Variants in TMEM164 observed in about 807,000 individuals in gnomAD.
TMEM164 encodes RP13-360B22.2.
In TMEM164, 4 loss-of-function variants were observed where a neutral mutation model predicts 18.8. That is an observed-to-expected ratio of 0.21 (90% CI 0.10 to 0.49). The LOEUF is 0.49. Among genes scored for constraint, TMEM164 ranks in the 20% least tolerant of loss-of-function variants. The pLI is 0.98. For missense variants in TMEM164, 108 were observed against 239.9 expected (o/e 0.45, Z 3.63); for synonymous variants, 86 against 101.7 (o/e 0.85, Z 0.93).
chrX:110,143,700 C>T (rs974968094), intron 4 of TMEM164, among the ~76,000 whole-genome samples: 1 of 110,577 alleles, frequency 9.0e-6, no homozygotes, highest in Non-Finnish European at 1.9e-5. Context: ...GTAACTGCCT[C>T]CTCTCATTAG....
In TMEM164 at chrX:110,071,894, C is replaced by T. The variant is rs755372062; in HGVS notation, c.440+4498C>T. Among the ~76,000 whole-genome samples the T allele has an allele frequency of 5.5e-5, 6 of 109,678 alleles. No individual in the cohort carries two copies. In the Admixed American group the frequency reaches 5.9e-4, roughly 11 times the overall value. On this transcript the variant is annotated intron_variant, in intron 3 of 6. Transcript: ENST00000372068. ...CCAGCTTGGGCTACAGAGCAAGACT[C>T]CATCTTTTAAAAAAAACAAGTTTAA...
At chrX:110,115,579 G>T (rs5942626) in intron 4 of TMEM164, among the ~76,000 whole-genome samples, 61,914 of 109,633 alleles carry the variant, frequency 0.56, 14,456 homozygotes, top group Non-Finnish European at 0.74. Flanking sequence ...AGCTTTGAGG[G>T]TCTTAAATCC....
At chrX:110,142,351 C>T (rs192282221) in intron 4 of TMEM164, among the ~76,000 whole-genome samples, 11 of 112,196 alleles carry the variant, frequency 9.8e-5, no homozygotes, top group East Asian at 5.6e-4. Context: ...CTCCTCCCCA[C>T]GGGGCATCTC....
At chrX:110,037,228 A>C (rs767336956) in intron 2 of TMEM164, among the ~76,000 whole-genome samples, 1 of 111,559 alleles carries the variant, frequency 9.0e-6, no homozygotes, top group African/African-American at 3.3e-5. Context: ...GGATAAAGGC[A>C]GAGTACAATA....
intron 4 of TMEM164, among the ~76,000 whole-genome samples, chrX:110,125,375 G>A (rs2066514583): frequency 8.9e-6 from 1 of 112,142 alleles, no homozygotes; most frequent in African/African-American, 3.2e-5. Flanking sequence ...CAAAGTGGCT[G>A]AAAAGAGAGC....
At chrX:110,050,764 G>A (rs958415704) in intron 2 of TMEM164, among the ~76,000 whole-genome samples, 14 of 111,946 alleles carry the variant, frequency 1.3e-4, no homozygotes, top group African/African-American at 4.6e-4. Context: ...AAAAAAAATT[G>A]GTTTGTTACC....
intron 5 of TMEM164, 107 bp downstream of exon 5, chrX:110,144,983 C>T (rs2066831920): frequency 1.8e-6 from 1 of 554,401 alleles, no homozygotes; most frequent in Admixed American, 3.1e-5. Context: ...TCAGCTGCCG[C>T]TTGACTGAGT....
At chrX:110,160,927 G>T (rs983691948) in intron 5 of TMEM164, among the ~76,000 whole-genome samples, 1 of 111,927 alleles carries the variant, frequency 8.9e-6, no homozygotes, top group African/African-American at 3.3e-5. Flanking sequence ...TTTTAGGAGA[G>T]GTGGGGTTTC....
chrX:110,014,812 C>G (rs1933244365), intron 2 of TMEM164, among the ~76,000 whole-genome samples: 1 of 95,753 alleles, frequency 1.0e-5, no homozygotes, highest in South Asian at 5.2e-4. Context: ...GCAACTTTCT[C>G]CAGTGCCAAC....
At chrX:110,062,947 T>C (rs1380545305) in intron 2 of TMEM164, among the ~76,000 whole-genome samples, 2 of 111,606 alleles carry the variant, frequency 1.8e-5, no homozygotes, top group African/African-American at 3.3e-5. Flanking sequence ...AAGGAAATTA[T>C]TGCAGTGGTC....
rs184844395 is a variant in TMEM164 at position 110,135,992 on chromosome X, G to A, written c.508-8806G>A. 7.1e-3 allele frequency among the ~76,000 whole-genome samples: 791 copies of A among 111,024 alleles called. 7 individuals are homozygous for A. The highest frequency in any genetic ancestry group is 0.023 in the African/African-American group (694 of 30,538). On this transcript the variant is annotated intron_variant, in intron 4 of 6. Coordinates refer to ENST00000372068, the MANE Select transcript of TMEM164 (RefSeq NM_032227.4). ...AATCAGCTTACATTTAAATTTCCTT[G>A]ATTGTCCCAAGAATGTCTTTTAAAA...
intron 2 of TMEM164, among the ~76,000 whole-genome samples, chrX:110,033,758 C>G (rs1212755731): frequency 2.7e-5 from 3 of 111,497 alleles, no homozygotes; most frequent in Non-Finnish European, 5.7e-5. Flanking sequence ...ACTTTCTAAT[C>G]TCTCCTTTTT....
intron 3 of TMEM164, among the ~76,000 whole-genome samples, chrX:110,072,529 A>G (rs1230750563): frequency 1.8e-5 from 2 of 110,665 alleles, no homozygotes; most frequent in Non-Finnish European, 3.8e-5. Flanking sequence ...TTAGTTGAGC[A>G]TGTAGTATCC....
intron 5 of TMEM164, among the ~76,000 whole-genome samples, chrX:110,166,226 C>T (rs995162764): frequency 1.8e-5 from 2 of 112,360 alleles, no homozygotes; most frequent in African/African-American, 6.5e-5. Context: ...ACCCTAACCC[C>T]TTCTGGTTCT....
At chrX:110,132,394 C>T (rs1452740330) in intron 4 of TMEM164, among the ~76,000 whole-genome samples, 6 of 111,618 alleles carry the variant, frequency 5.4e-5, no homozygotes, top group African/African-American at 2.0e-4. Flanking sequence ...CTCTACCTCC[C>T]TCTCCACCCT....
At chrX:110,053,088 C>T (rs2147812366) in intron 2 of TMEM164, among the ~76,000 whole-genome samples, 1 of 111,439 alleles carries the variant, frequency 9.0e-6, no homozygotes, top group African/African-American at 3.3e-5. Context: ...TTAATGGAGT[C>T]CCCTTTCCCA....
intron 3 of TMEM164, among the ~76,000 whole-genome samples, chrX:110,072,808 T>C (rs1475372224): frequency 9.0e-6 from 1 of 110,726 alleles, no homozygotes; most frequent in East Asian, 2.8e-4. Flanking sequence ...CAAGTATTTA[T>C]TCCTTTATTT....
intron 5 of TMEM164, among the ~76,000 whole-genome samples, chrX:110,153,253 A>G (rs981500316): frequency 2.7e-5 from 3 of 112,221 alleles, no homozygotes; most frequent in South Asian, 3.7e-4. Context: ...TAGTCTTTAC[A>G]TGCTGGTCTC....
chrX:110,038,145 T>C (rs376536257), intron 2 of TMEM164, among the ~76,000 whole-genome samples: 5 of 107,836 alleles, frequency 4.6e-5, no homozygotes, highest in Admixed American at 9.7e-5. Flanking sequence ...CGCCCGCCAC[T>C]ACGCCCGGCT....
Sources: allele counts gnomAD v4.1 joint callset (sites outside exome capture counted in the v4.1 genomes callset), GRCh38; gene constraint gnomAD v4.1.1; transcripts MANE v1.5; gene names NCBI Gene and HGNC (gene_info 2026-07-23, HGNC 2026-07-21).